The following KLF7 variants were observed in gnomAD, a reference collection of about 807,000 sequenced individuals.
KLF7 encodes KLF transcription factor 7.
KLF7 carries 2 observed loss-of-function variants against 27.3 expected under a neutral mutation model. That is an observed-to-expected ratio of 0.07 (90% confidence interval 0.03 to 0.23). KLF7 has a LOEUF of 0.23. Among genes scored for constraint, KLF7 ranks in the 10% least tolerant of loss-of-function variants. The pLI is 1.00. For missense variants in KLF7, 221 were observed against 394.1 expected (o/e 0.56, Z 3.72); for synonymous variants, 165 against 162.4 (o/e 1.02, Z -0.12).
At position 207,127,334 on chromosome 2, in the gene KLF7, C is replaced by T. The variant is rs966586659; in HGVS notation, c.103-2930G>A. Among the ~76,000 whole-genome samples the T allele has an allele frequency of 3.3e-5, 5 of 152,174 alleles. 1 individual carries two copies. Among genetic ancestry groups the T allele is most frequent in the African/African-American group, 1.2e-4 (5 of 41,440 alleles). ...GAAATGATTGCTGTCTTAGGAAATA[C>T]ACTTCTTATATCTGCTGGAGATGAA... is the stretch of plus-strand genomic sequence containing the variant. On this transcript the variant is annotated intron_variant, in intron 1 of 3. Transcript: ENST00000309446.
chr2:207,076,315 A>C lies in KLF7; in HGVS notation c.*4898T>G, dbSNP rs988089400. The C allele has an allele frequency of 2.6e-5, 4 of 152,094 alleles. No individual in the cohort carries two copies. Among genetic ancestry groups the C allele is most frequent in the African/African-American group, 4.8e-5 (2 of 41,418 alleles). 9.4% of individuals were successfully genotyped at this position (152,094 alleles called of 1,614,324 possible). On this transcript the variant is annotated 3_prime_UTR_variant, in exon 4 of 4. Transcript: ENST00000309446. ...ACATTATCAACCTTCCCTCATGACCACTGAGAGGGAGCCCTGTTTGAAAAG... is the reference window on the plus strand; with the variant it reads ...ACATTATCAACCTTCCCTCATGACCCCTGAGAGGGAGCCCTGTTTGAAAAG...
intron 1 of KLF7, among the ~76,000 whole-genome samples, chr2:207,141,875 C>T (rs1014956067): frequency 9.9e-5 from 15 of 152,094 alleles, no homozygotes; most frequent in Admixed American, 3.9e-4. Context: ...CCTCACGTCC[C>T]ACAGTTTCCC....
intron 2 of KLF7, among the ~76,000 whole-genome samples, chr2:207,107,982 C>G (rs1400986647): frequency 6.6e-6 from 1 of 152,214 alleles, no homozygotes; most frequent in Admixed American, 6.5e-5. Context: ...TATTGCTTTA[C>G]TCTTCTCGCA....
At chr2:207,138,818 T>C in intron 1 of KLF7, among the ~76,000 whole-genome samples, 1 of 152,220 alleles carries the variant, frequency 6.6e-6, no homozygotes, top group East Asian at 1.9e-4. Context: ...CTGCTGAGAA[T>C]CCTGGAATGT....
At chr2:207,166,276 G>C, upstream of KLF7, 1 of 771,930 alleles carries the variant, frequency 1.3e-6, no homozygotes, top group Non-Finnish European at 1.6e-6. Flanking sequence ...TGGCCCTGGC[G>C]GCGGGCGCGG....
At chr2:207,115,232 C>CT (rs2077147783) in intron 2 of KLF7, among the ~76,000 whole-genome samples, 1 of 151,622 alleles carries the variant, frequency 6.6e-6, no homozygotes, top group Non-Finnish European at 1.5e-5. Context: ...CAAAGCTGGA[C>CT]TGAGGCTCCA....
intron 1 of KLF7, among the ~76,000 whole-genome samples, chr2:207,151,421 T>G (rs924165002): frequency 1.3e-5 from 2 of 152,098 alleles, no homozygotes; most frequent in East Asian, 1.9e-4. Context: ...CGGAAAGAGA[T>G]GTCTAATACT....
In KLF7 at chr2:207,165,691, G is replaced by C. The variant is rs1402065710; in HGVS notation, c.-123C>G. The C allele has an allele frequency of 2.7e-6, 4 of 1,509,122 alleles. No homozygotes were observed. The African/African-American group carries it at 5.6e-5, about 21-fold the overall frequency. 93.5% of individuals were successfully genotyped at this position (1,509,122 alleles called of 1,614,324 possible). Reference sequence around the variant, plus strand: ...AGACATCCAGTGGCCCTTTTGTTTTGTTTTGTTTCAGTCAACTAAAAAGGA... The same window carrying C: ...AGACATCCAGTGGCCCTTTTGTTTTCTTTTGTTTCAGTCAACTAAAAAGGA... On this transcript the variant is annotated 5_prime_UTR_variant, in exon 1 of 4. Transcript: ENST00000309446.
intron 2 of KLF7, among the ~76,000 whole-genome samples, chr2:207,097,233 T>C (rs1435663754): frequency 6.6e-6 from 1 of 152,086 alleles, no homozygotes; most frequent in Non-Finnish European, 1.5e-5. Flanking sequence ...TGGGGACTTA[T>C]GGCTCTTAAC....
At chr2:207,084,887 G>A (rs939203816) in intron 3 of KLF7, among the ~76,000 whole-genome samples, 3 of 152,084 alleles carry the variant, frequency 2.0e-5, no homozygotes, top group Non-Finnish European at 2.9e-5. Flanking sequence ...ACTAGGCCAG[G>A]CGTCGTGGCT....
At chr2:207,149,029 G>A in intron 1 of KLF7, 1 of 1,171,206 alleles carries the variant, frequency 8.5e-7, no homozygotes, top group Non-Finnish European at 1.1e-6. Flanking sequence ...CAAAAACAAA[G>A]GAATGTCTCC....
chr2:207,139,926 G>C (rs1211342837), intron 1 of KLF7, among the ~76,000 whole-genome samples: 1 of 152,030 alleles, frequency 6.6e-6, no homozygotes, highest in East Asian at 1.9e-4. Context: ...TTTTGAGACA[G>C]TCGCCAGGCT....
chr2:207,117,882 T>C (rs776294913), intron 2 of KLF7, among the ~76,000 whole-genome samples: 4 of 152,212 alleles, frequency 2.6e-5, no homozygotes, highest in Non-Finnish European at 5.9e-5. Flanking sequence ...TGCTTTCATT[T>C]ACTGCCCCAT....
intron 1 of KLF7, among the ~76,000 whole-genome samples, chr2:207,137,403 A>G (rs2077818471): frequency 6.6e-6 from 1 of 152,164 alleles, no homozygotes; most frequent in Non-Finnish European, 1.5e-5. Context: ...TAAAATTCCT[A>G]TGTGGGCCCA....
chr2:207,099,610 A>G (rs1319533660), intron 2 of KLF7, among the ~76,000 whole-genome samples: 1 of 137,638 alleles, frequency 7.3e-6, no homozygotes, highest in Non-Finnish European at 1.6e-5. Flanking sequence ...AAAAAAAACC[A>G]TAAGAAAGGA....
Position 207,080,830 on chromosome 2 carries a change from T to C in KLF7, c.*383A>G. 2 of 405,712 alleles carry C rather than the reference T, an allele frequency of 4.9e-6. No homozygotes were observed. The highest frequency in any genetic ancestry group is 7.0e-5 in the East Asian group (2 of 28,448). The allele number at this position is 405,712 out of a possible 1,614,324, so 25.1% of individuals were successfully genotyped here. On this transcript the variant is annotated 3_prime_UTR_variant, in exon 4 of 4. Coordinates refer to ENST00000309446, the MANE Select transcript of KLF7 (RefSeq NM_003709.4). ...GTGAAATAAGCCCCTCGGACTGCCG[T>C]CCACCTGCACAGACGTCACATCCAT...
intron 2 of KLF7, among the ~76,000 whole-genome samples, chr2:207,102,156 AC>A (rs1240180218): frequency 1.3e-5 from 2 of 151,100 alleles, no homozygotes; most frequent in Non-Finnish European, 3.0e-5. Flanking sequence ...ACACACACAC[AC>A]ACCCTGCCCT....
Position 207,074,804 on chromosome 2 carries a change from T to C in KLF7, c.*6409A>G, listed in dbSNP as rs571380813. ...TAACATCTTGTAATCTCTATCATTC[T>C]AAAATATTGCTTTTCATAATCTCCA... is the stretch of plus-strand genomic sequence containing the variant. On this transcript the variant is annotated 3_prime_UTR_variant, in exon 4 of 4. Coordinates refer to ENST00000309446, the MANE Select transcript of KLF7 (RefSeq NM_003709.4). The C allele has an allele frequency of 2.2e-4, 33 of 152,314 alleles. No homozygotes were observed. The highest frequency in any genetic ancestry group is 7.9e-4 in the African/African-American group (33 of 41,578). The allele number at this position is 152,314 out of a possible 1,614,324, so 9.4% of individuals were successfully genotyped here. A position where few individuals can be genotyped will look rare whatever the true frequency, so the allele number is the denominator to read the frequency against.
At chr2:207,107,895 ATGTTTGCACAACGTGATTG>A (rs1387561147) in intron 2 of KLF7, among the ~76,000 whole-genome samples, 1 of 152,218 alleles carries the variant, frequency 6.6e-6, no homozygotes, top group Non-Finnish European at 1.5e-5. Context: ...AAAAAGACCT[ATGTTTGCACAACGTGATTG>A]TGTTTACACA....
Sources: gnomAD v4.1 joint callset for allele counts (sites outside exome capture counted in the v4.1 genomes callset) on GRCh38, gnomAD v4.1.1 for gene constraint, MANE v1.5 for transcripts, NCBI Gene and HGNC (gene_info 2026-07-23, HGNC 2026-07-21) for gene names.